Variants in CYP19A1 observed in about 807,000 individuals in gnomAD.
The protein encoded by CYP19A1 is cytochrome P450 family 19 subfamily A member 1.
Under a neutral mutation model 44.4 loss-of-function variants are expected in CYP19A1, and 32 were observed. The ratio of observed to expected loss-of-function variants is 0.72; its 90% CI spans 0.54 to 0.97. The LOEUF is 0.97. Among genes scored for constraint, CYP19A1 ranks in the 50% least tolerant of loss-of-function variants. The probability of loss-of-function intolerance (pLI) is 0.00; values close to 1 mark genes in which losing one functional copy is unlikely to be tolerated. For missense variants in CYP19A1, 598 were observed against 637.8 expected (o/e 0.94, Z 0.67); for synonymous variants, 212 against 215.6 (o/e 0.98, Z 0.14).
intron 1 of CYP19A1, among the ~76,000 whole-genome samples, chr15:51,300,686 A>C (rs952748744): frequency 6.6e-6 from 1 of 152,202 alleles, no homozygotes; most frequent in African/African-American, 2.4e-5. Context: ...TATACTGGGA[A>C]CCAGCCTCTC....
chr15:51,278,271 T>A (rs1429607722), intron 1 of CYP19A1: 1 of 152,174 alleles, frequency 6.6e-6, no homozygotes, highest in Non-Finnish European at 1.5e-5. Context: ...TTGTAATAGA[T>A]CGTAGCGTAC....
chr15:51,314,630 A>G (rs1338189849), intron 1 of CYP19A1, among the ~76,000 whole-genome samples: 1 of 152,182 alleles, frequency 6.6e-6, no homozygotes, highest in Non-Finnish European at 1.5e-5. Flanking sequence ...TCTAACTTGC[A>G]TCATTGTTTA....
At chr15:51,306,085 C>G (rs1227463857) in intron 1 of CYP19A1, among the ~76,000 whole-genome samples, 1 of 152,184 alleles carries the variant, frequency 6.6e-6, no homozygotes, top group Non-Finnish European at 1.5e-5. Context: ...AGGAGAGCAG[C>G]ACTTGAATCC....
chr15:51,250,753 G>A (rs998376089), intron 1 of CYP19A1, among the ~76,000 whole-genome samples: 2 of 152,148 alleles, frequency 1.3e-5, no homozygotes, highest in Non-Finnish European at 2.9e-5. Flanking sequence ...TCGCCTTATG[G>A]AGGAGGCAGA....
At chr15:51,277,964 T>G (rs945526750) in intron 1 of CYP19A1, 1 of 149,466 alleles carries the variant, frequency 6.7e-6, no homozygotes, top group Admixed American at 6.6e-5. Context: ...GTTTTTTTTT[T>G]TTTTTTTTTT....
intron 4 of CYP19A1, among the ~76,000 whole-genome samples, chr15:51,223,804 G>A (rs771738331): frequency 6.6e-6 from 1 of 152,128 alleles, no homozygotes; most frequent in African/African-American, 2.4e-5. Flanking sequence ...TGAAAGGCCA[G>A]GATGTTGTTC....
At chr15:51,301,079 A>G (rs1479299614) in intron 1 of CYP19A1, among the ~76,000 whole-genome samples, 1 of 152,200 alleles carries the variant, frequency 6.6e-6, no homozygotes, top group Non-Finnish European at 1.5e-5. Context: ...TGACTGCCAC[A>G]TTAAGCATTA....
chr15:51,237,900 T>C (rs17703883), intron 2 of CYP19A1, among the ~76,000 whole-genome samples: 30,790 of 152,234 alleles, frequency 0.2, 3,783 homozygotes, highest in Middle Eastern at 0.37. Flanking sequence ...GTAGCAGTTT[T>C]TCTAAATCTT....
chr15:51,278,709 T>C (rs2035413283), intron 1 of CYP19A1, among the ~76,000 whole-genome samples: 1 of 152,216 alleles, frequency 6.6e-6, no homozygotes, highest in South Asian at 2.1e-4. Context: ...CAGGGGGTGC[T>C]TGGGTAAAAG....
At chr15:51,285,876 C>A (rs962815201) in intron 1 of CYP19A1, among the ~76,000 whole-genome samples, 2 of 152,194 alleles carry the variant, frequency 1.3e-5, no homozygotes, top group African/African-American at 2.4e-5. Context: ...TTGACTCCGC[C>A]AGACTTCGTC....
At chr15:51,305,752 G>A (rs1194586538) in intron 1 of CYP19A1, among the ~76,000 whole-genome samples, 1 of 151,972 alleles carries the variant, frequency 6.6e-6, no homozygotes, top group Non-Finnish European at 1.5e-5. Flanking sequence ...GTAGAAACGG[G>A]GTTTCACTAT....
Position 51,297,113 on chromosome 15 carries a change from G to T in CYP19A1, c.-39+41382C>A, listed in dbSNP as rs563347989. On this transcript the variant is annotated intron_variant, in intron 1 of 9. Coordinates refer to ENST00000396402, the MANE Select transcript of CYP19A1 (RefSeq NM_000103.4). The stretch of plus-strand genomic sequence containing the variant: ...AGAGACACCAATGAACAGGTTTGAG[G>T]TGGGAACAGGTTCGCGCAGCCCTAG... 2.0e-5 allele frequency among the ~76,000 whole-genome samples: 3 copies of T among 152,286 alleles called. No homozygotes were observed. The South Asian group carries it at 6.2e-4, about 32-fold the overall frequency.
At chr15:51,226,138 A>C (rs963309192) in intron 4 of CYP19A1, among the ~76,000 whole-genome samples, 1 of 146,212 alleles carries the variant, frequency 6.8e-6, no homozygotes, top group Non-Finnish European at 1.5e-5. Context: ...TTCCAAGCCG[A>C]GGTCAAAGCC....
At chr15:51,322,368 CAATT>C (rs1423744583) in intron 1 of CYP19A1, among the ~76,000 whole-genome samples, 1 of 152,220 alleles carries the variant, frequency 6.6e-6, no homozygotes, top group Non-Finnish European at 1.5e-5. Context: ...GTGCAAGTGA[CAATT>C]AATAAATTAA....
At chr15:51,214,056 C>T (rs1383574576) in intron 8 of CYP19A1, among the ~76,000 whole-genome samples, 1 of 152,208 alleles carries the variant, frequency 6.6e-6, no homozygotes, top group Non-Finnish European at 1.5e-5. Context: ...ATGAAATTTT[C>T]CCTTACGTTT....
At chr15:51,230,943 CT>C (rs2032982089) in intron 3 of CYP19A1, among the ~76,000 whole-genome samples, 1 of 152,178 alleles carries the variant, frequency 6.6e-6, no homozygotes, top group Non-Finnish European at 1.5e-5. Context: ...TTTAAAAACA[CT>C]TGCCTCATGT....
At chr15:51,288,635 A>G (rs1255019477) in intron 1 of CYP19A1, among the ~76,000 whole-genome samples, 2 of 151,872 alleles carry the variant, frequency 1.3e-5, no homozygotes, top group African/African-American at 2.4e-5. Context: ...TCACTCTCCC[A>G]TCCTTGCTTT....
chr15:51,337,561 G>A (rs1418664532), intron 1 of CYP19A1, among the ~76,000 whole-genome samples: 1 of 152,226 alleles, frequency 6.6e-6, no homozygotes, highest in Non-Finnish European at 1.5e-5. Context: ...CATAACCACA[G>A]AGCCCCTGCA....
chr15:51,253,276 A>G (rs2034393767), intron 1 of CYP19A1, among the ~76,000 whole-genome samples: 1 of 152,248 alleles, frequency 6.6e-6, no homozygotes, highest in East Asian at 1.9e-4. Flanking sequence ...ATTATGATTC[A>G]GTCTCCAGCA....
Sources: gnomAD v4.1 joint callset for allele counts (sites outside exome capture counted in the v4.1 genomes callset) on GRCh38, gnomAD v4.1.1 for gene constraint, MANE v1.5 for transcripts, NCBI Gene and HGNC (gene_info 2026-07-23, HGNC 2026-07-21) for gene names.